TG: variants seen among roughly 807,000 people sequenced by gnomAD.
The protein encoded by TG is thyroglobulin, also known as thyroid hormones.
Under a neutral mutation model 324.7 loss-of-function variants are expected in TG, and 270 were observed. The ratio of observed to expected loss-of-function variants is 0.83; its 90% confidence interval spans 0.75 to 0.92. TG has a LOEUF of 0.92. Ranked by LOEUF, TG falls within the 40% of genes least tolerant of loss-of-function variation. The pLI, the probability that TG is intolerant of heterozygous loss-of-function variation, is 0.00. For missense variants in TG, 3,591 were observed against 3,456.4 expected, an observed-to-expected ratio of 1.04 and a Z score of -0.98; for synonymous variants, 1,401 against 1,327.0, an observed-to-expected ratio of 1.06 and a Z score of -1.21.
At chr8:133,127,118 C>T (rs1022742173) in intron 45 of TG, among the ~76,000 whole-genome samples, 1 of 152,170 alleles carries the variant, frequency 6.6e-6, no homozygotes, top group Admixed American at 6.5e-5. Flanking sequence ...AAAACAGTGT[C>T]TTATTTCTGT....
chr8:132,969,462 A>C lies in TG; in HGVS notation c.5868A>C (p.Ile1956=). The C allele has an allele frequency of 6.2e-7, 1 of 1,607,122 alleles. No individual in the cohort carries two copies. Among genetic ancestry groups the C allele is most frequent in the Non-Finnish European group, 8.5e-7 (1 of 1,173,746 alleles). ...TTTCTTTCTTCCTCTATGAAGTTAT[A>C]CTGGAAGATAAAGTGAAGAACTTTT... ...MPKALFRKKV[I]LEDKVKNFYT... is the part of the protein sequence containing the mutation. The change falls in exon 32 of 48, where the codon ATA becomes ATC. Residue 1956 remains isoleucine, a synonymous_variant. Coordinates refer to ENST00000220616, the MANE Select transcript of TG (RefSeq NM_003235.5).
intron 41 of TG, 148 bp downstream of exon 41, chr8:133,030,171 T>A: frequency 1.9e-6 from 2 of 1,028,262 alleles, no homozygotes; most frequent in South Asian, 2.7e-5. Flanking sequence ...GAGTTTTCCA[T>A]GTATGTGTGA....
rs566701113 is a variant in TG at position 132,977,025 on chromosome 8, A to G, written c.6199+4284A>G. Among the ~76,000 whole-genome samples the G allele has an allele frequency of 1.4e-4, 21 of 152,302 alleles. No individual in the cohort carries two copies. In the South Asian group the frequency reaches 3.5e-3, roughly 26 times the overall value. ...GTAAGAAACCATCTTTTGATTTATG[A>G]TATAGTTTGAGCCAAAACACACTTA... On this transcript the variant is annotated intron_variant, in intron 34 of 47. Transcript: ENST00000220616.
intron 38 of TG, 30 bp from the exon 39 acceptor site, chr8:133,019,572 T>C: frequency 6.2e-7 from 1 of 1,603,614 alleles, no homozygotes; most frequent in South Asian, 1.1e-5. Context: ...ATGGAGCATG[T>C]CTTGGAAGTC....
chr8:133,043,957 G>A (rs1175227427), intron 41 of TG, among the ~76,000 whole-genome samples: 1 of 152,170 alleles, frequency 6.6e-6, no homozygotes, highest in Non-Finnish European at 1.5e-5. Flanking sequence ...AAAAGTGGCT[G>A]GCATTTAATG....
chr8:133,012,958 A>C (rs1316429307), intron 36 of TG, among the ~76,000 whole-genome samples: 1 of 152,226 alleles, frequency 6.6e-6, no homozygotes, highest in East Asian at 1.9e-4. Flanking sequence ...CCCTGGTGGA[A>C]CACTGGGTAT....
chr8:133,065,694 G>A (rs777805482), intron 41 of TG, among the ~76,000 whole-genome samples: 6 of 152,034 alleles, frequency 3.9e-5, no homozygotes, highest in South Asian at 2.1e-4. Context: ...CCCAGTGGGC[G>A]GAGGTGGCAG....
chr8:133,048,667 T>C (rs1839900073), intron 41 of TG: 1 of 157,480 alleles, frequency 6.4e-6, no homozygotes, highest in Non-Finnish European at 1.4e-5. Flanking sequence ...CATGAAGGCA[T>C]TGATGCATGC....
intron 16 of TG, among the ~76,000 whole-genome samples, chr8:132,904,719 C>G (rs560268892): frequency 3.9e-4 from 60 of 152,224 alleles, no homozygotes; most frequent in Non-Finnish European, 6.2e-4. Flanking sequence ...CTCACTGGCC[C>G]ACTTCCAAAA....
At chr8:132,955,570 G>A (rs1826740743) in intron 27 of TG, among the ~76,000 whole-genome samples, 1 of 152,192 alleles carries the variant, frequency 6.6e-6, no homozygotes, top group Admixed American at 6.5e-5. Flanking sequence ...CAAGCCATAT[G>A]TTTTGAATGC....
intron 20 of TG, among the ~76,000 whole-genome samples, chr8:132,913,875 G>A (rs1031174352): frequency 1.4e-4 from 22 of 152,288 alleles, no homozygotes; most frequent in African/African-American, 4.3e-4. Context: ...GGGCATCACT[G>A]GGCTAAAACT....
At chr8:132,893,588 T>A in intron 10 of TG, 102 bp from the exon 11 acceptor site, 1 of 1,488,790 alleles carries the variant, frequency 6.7e-7, no homozygotes, top group South Asian at 1.1e-5. Context: ...GTGGTGTGTG[T>A]GTGGTGTGTA....
chr8:133,005,660 A>G (rs755408475), intron 35 of TG, among the ~76,000 whole-genome samples: 17 of 152,234 alleles, frequency 1.1e-4, no homozygotes, highest in Middle Eastern at 3.2e-3. Flanking sequence ...CACACAGTGT[A>G]GTCTGGCTGC....
At chr8:132,991,202 G>T (rs1181393700) in intron 35 of TG, among the ~76,000 whole-genome samples, 1 of 152,092 alleles carries the variant, frequency 6.6e-6, no homozygotes, top group Middle Eastern at 3.2e-3. Context: ...ACCCACCACT[G>T]CTAATGTAGA....
At chr8:133,126,092 G>A (rs1851496141) in intron 45 of TG, among the ~76,000 whole-genome samples, 1 of 152,176 alleles carries the variant, frequency 6.6e-6, no homozygotes, top group African/African-American at 2.4e-5. Flanking sequence ...TAAGATAGGT[G>A]TGATGCCTTA....
Position 132,873,219 on chromosome 8 carries a change from C to T in TG, c.636C>T (p.Asn212=), listed in dbSNP as rs768639481. The change falls in exon 5 of 48, where the codon AAC becomes AAT. Residue 212 remains asparagine (N), a splice_region_variant and synonymous_variant. Coordinates refer to ENST00000220616, the MANE Select transcript of TG (RefSeq NM_003235.5). ...MMIFDLVHSY[N]RFPDAFVTFS... ...TTTTTGATCTGGTCCACAGCTACAA[C>T]AGGTAAGGGGAGCAGGGGTGTGCCA... 9 of 1,613,984 alleles carry T rather than the reference C, an allele frequency of 5.6e-6. No homozygotes were observed. The highest frequency in any genetic ancestry group is 1.1e-5 in the South Asian group (1 of 91,080).
At chr8:132,988,596 A>G (rs1831908871) in intron 35 of TG, 1 of 513,732 alleles carries the variant, frequency 1.9e-6, no homozygotes, top group Non-Finnish European at 2.5e-6. Context: ...AATTATATCA[A>G]CGGTGTATAG....
chr8:132,881,787 CA>C, intron 5 of TG, 75 bp from the exon 6 acceptor site: 1 of 1,027,222 alleles, frequency 9.7e-7, no homozygotes, highest in South Asian at 1.3e-5. Context: ...TGGACTTGGC[CA>C]CATTTATTTC....
Position 132,869,755 on chromosome 8 carries a change from G to A in TG, c.203G>A (p.Arg68His), listed in dbSNP as rs372569175. Residue 68 changes from arginine to histidine, a missense_variant, in exon 3 of 48, where the codon CGC (arginine) becomes CAC (histidine). By Grantham distance (29) the Arg-to-His change is conservative. Transcript: ENST00000220616. ...FQTVQCQNDG[R>H]SCWCVGANGS... ...ACTGTCCAGTGCCAGAACGACGGCC[G>A]CTCCTGCTGGTGTGTGGGTGCCAAC... The A allele has an allele frequency of 1.3e-5, 21 of 1,614,154 alleles. No homozygotes were observed. Among genetic ancestry groups the A allele is most frequent in the South Asian group, 3.3e-5 (3 of 91,086 alleles).
Sources: allele counts gnomAD v4.1 joint callset (sites outside exome capture counted in the v4.1 genomes callset), GRCh38; gene constraint gnomAD v4.1.1; transcripts MANE v1.5; gene names NCBI Gene and HGNC (gene_info 2026-07-23, HGNC 2026-07-21).